The following CLSTN2 variants were observed in gnomAD, a reference collection of about 807,000 sequenced individuals.
CLSTN2 encodes the protein calsyntenin-2.
A neutral mutation model predicts 101.2 loss-of-function variants in CLSTN2; 48 were observed. That is an observed-to-expected ratio of 0.47 (90% CI 0.38 to 0.60). The LOEUF is 0.60. CLSTN2 is among the 20% of genes least tolerant of loss of function. The pLI, the probability that CLSTN2 is intolerant of heterozygous loss-of-function variation, is 0.00. For missense variants in CLSTN2, 1,160 were observed against 1,238.2 expected, an observed-to-expected ratio of 0.94 and a Z score of 0.95; for synonymous variants, 481 against 463.6, an observed-to-expected ratio of 1.04 and a Z score of -0.48.
chr3:140,171,701 TAA>T (rs1287040167), intron 1 of CLSTN2, among the ~76,000 whole-genome samples: 29 of 90,856 alleles, frequency 3.2e-4, no homozygotes, highest in Non-Finnish European at 5.2e-4. Context: ...TATTAATATA[TAA>T]TATGTATTAT....
intron 2 of CLSTN2, among the ~76,000 whole-genome samples, chr3:140,289,177 T>A (rs115855932): frequency 0.021 from 3,258 of 152,238 alleles, 54 homozygotes; most frequent in Non-Finnish European, 0.033. Flanking sequence ...TCATCAGAAT[T>A]CTATGAGATA....
intron 1 of CLSTN2, among the ~76,000 whole-genome samples, chr3:140,027,625 C>T (rs1197027281): frequency 6.6e-6 from 1 of 152,150 alleles, no homozygotes; most frequent in South Asian, 2.1e-4. Context: ...CATCCTCAAT[C>T]AGTGTGAAGG....
Position 140,567,460 on chromosome 3 carries a change from T to G in CLSTN2, c.*1207T>G, listed in dbSNP as rs1985322485. Reference sequence around the variant, plus strand: ...CTCATAAAAGGAGGAACACTTTAGATAGAGGGCAAATATATCTGAAAACCT... The same window carrying G: ...CTCATAAAAGGAGGAACACTTTAGAGAGAGGGCAAATATATCTGAAAACCT... On this transcript the variant is annotated 3_prime_UTR_variant, in exon 17 of 17. Transcript: ENST00000458420. The G allele has an allele frequency of 1.3e-5, 2 of 152,390 alleles. No homozygotes were observed. The highest frequency in any genetic ancestry group is 2.9e-5 in the Non-Finnish European group (2 of 68,044). 9.4% of individuals were successfully genotyped at this position (152,390 alleles called of 1,614,324 possible).
intron 2 of CLSTN2, among the ~76,000 whole-genome samples, chr3:140,259,623 GCCTTCCCT>G (rs2086633201): frequency 6.6e-6 from 1 of 152,068 alleles, no homozygotes; most frequent in African/African-American, 2.4e-5. Context: ...CTCTTTGTAA[GCCTTCCCT>G]CCCACCTTTT....
chr3:140,136,964 C>T lies in CLSTN2; in HGVS notation c.110-38987C>T, dbSNP rs571480812. 6.6e-5 allele frequency among the ~76,000 whole-genome samples: 10 copies of T among 152,256 alleles called. No homozygotes were observed. In the South Asian group the frequency reaches 2.1e-3, roughly 32 times the overall value. On this transcript the variant is annotated intron_variant, in intron 1 of 16. Coordinates refer to ENST00000458420, the MANE Select transcript of CLSTN2 (RefSeq NM_022131.3). The stretch of plus-strand genomic sequence containing the variant: ...AATGAAATGGCTATAACATGTGGGA[C>T]TATTTGATACTGTATGGTTATTTTA...
chr3:140,296,221 ATATT>A (rs1218284227), intron 2 of CLSTN2, among the ~76,000 whole-genome samples: 1 of 152,176 alleles, frequency 6.6e-6, no homozygotes, highest in Admixed American at 6.5e-5. Context: ...ATGTCCTCAC[ATATT>A]TATTCTTGAA....
At chr3:140,308,772 T>C (rs1279536406) in intron 2 of CLSTN2, among the ~76,000 whole-genome samples, 1 of 152,226 alleles carries the variant, frequency 6.6e-6, no homozygotes, top group Non-Finnish European at 1.5e-5. Context: ...TCACTCCAGT[T>C]TTATGCTAAG....
At chr3:140,515,032 A>G (rs1284187047) in intron 8 of CLSTN2, among the ~76,000 whole-genome samples, 1 of 150,614 alleles carries the variant, frequency 6.6e-6, no homozygotes, top group East Asian at 1.9e-4. Context: ...TATTATTTTT[A>G]TGACCATTTC....
chr3:140,052,013 C>T (rs764613324), intron 1 of CLSTN2, among the ~76,000 whole-genome samples: 1 of 152,126 alleles, frequency 6.6e-6, no homozygotes, highest in Non-Finnish European at 1.5e-5. Flanking sequence ...TTAGTGAAAG[C>T]GAAGACTCAG....
intron 1 of CLSTN2, among the ~76,000 whole-genome samples, chr3:140,173,180 T>TA (rs2010266188): frequency 6.6e-6 from 1 of 152,098 alleles, no homozygotes; most frequent in Admixed American, 6.5e-5. Context: ...AGACATTGGG[T>TA]AAATACAACC....
chr3:140,072,554 T>C (rs2008414684), intron 1 of CLSTN2, among the ~76,000 whole-genome samples: 1 of 152,234 alleles, frequency 6.6e-6, no homozygotes, highest in Non-Finnish European at 1.5e-5. Context: ...ATTCAATTTA[T>C]ATGTAACATC....
Position 140,564,109 on chromosome 3 carries a change from C to G in CLSTN2, c.2631C>G (p.Asp877Glu). Reference sequence around the variant, plus strand: ...CCAAGGAATCTGAGATGGACTGGGACGATTCTGCGCTGACTATCACAGTCA... The same window carrying G: ...CCAAGGAATCTGAGATGGACTGGGAGGATTCTGCGCTGACTATCACAGTCA... ...EAAKESEMDW[D>E]DSALTITVNP... The change falls in exon 16 of 17, where the codon GAC becomes GAG. Residue 877 changes from aspartate to glutamate, a missense_variant. Asp to Glu is a conservative substitution (Grantham distance 45). Transcript: ENST00000458420. 3 of 1,614,064 alleles carry G rather than the reference C, an allele frequency of 1.9e-6. 1 individual carries two copies. Among genetic ancestry groups the G allele is most frequent in the South Asian group, 2.2e-5 (2 of 91,066 alleles).
chr3:140,099,149 G>T (rs898968951), intron 1 of CLSTN2, among the ~76,000 whole-genome samples: 2 of 152,186 alleles, frequency 1.3e-5, no homozygotes, highest in South Asian at 2.1e-4. Flanking sequence ...AAGAGTAGTT[G>T]TCAGCTTTTA....
At chr3:140,108,301 G>A (rs1444795103) in intron 1 of CLSTN2, among the ~76,000 whole-genome samples, 1 of 152,096 alleles carries the variant, frequency 6.6e-6, no homozygotes, top group Non-Finnish European at 1.5e-5. Flanking sequence ...TTAAGCCTCA[G>A]TACTTAATAC....
intron 2 of CLSTN2, among the ~76,000 whole-genome samples, chr3:140,214,133 C>T (rs2010892254): frequency 6.6e-6 from 1 of 151,948 alleles, no homozygotes; most frequent in Non-Finnish European, 1.5e-5. Flanking sequence ...CGAGCCTCAA[C>T]TTCCTTATCT....
At chr3:140,283,606 A>G (rs939565852) in intron 2 of CLSTN2, among the ~76,000 whole-genome samples, 14 of 152,178 alleles carry the variant, frequency 9.2e-5, no homozygotes, top group African/African-American at 3.1e-4. Flanking sequence ...TCTTGCCTCT[A>G]GGACATATTC....
At chr3:140,267,569 C>T (rs368373805) in intron 2 of CLSTN2, among the ~76,000 whole-genome samples, 2 of 152,300 alleles carry the variant, frequency 1.3e-5, no homozygotes, top group Admixed American at 6.5e-5. Flanking sequence ...AATAGGTGAA[C>T]ACATCTTTAG....
At chr3:140,299,628 G>T (rs567360648) in intron 2 of CLSTN2, among the ~76,000 whole-genome samples, 1 of 151,972 alleles carries the variant, frequency 6.6e-6, no homozygotes, top group Non-Finnish European at 1.5e-5. Context: ...TTTTTGTGTC[G>T]GTCACCTATC....
Position 139,935,565 on chromosome 3 carries a change from A to C in CLSTN2, c.109+82A>C. 4.4e-5 allele frequency: 31 copies of C among 712,004 alleles called. No homozygotes were observed. Among genetic ancestry groups the C allele is most frequent in the South Asian group, 1.5e-4 (2 of 13,368 alleles). 44.1% of individuals were successfully genotyped at this position (712,004 alleles called of 1,614,324 possible). Reference sequence around the variant, plus strand: ...GTGAAAGCGGCAAGGACCTAGGCTCAAGCTGGATTTGCCCACCCTCCCTTG... The same window carrying C: ...GTGAAAGCGGCAAGGACCTAGGCTCCAGCTGGATTTGCCCACCCTCCCTTG... On this transcript the variant is annotated intron_variant, in intron 1 of 16. Coordinates refer to ENST00000458420, the MANE Select transcript of CLSTN2 (RefSeq NM_022131.3). This position sits in a 1 kb window ranked among gnomAD's most constrained non-coding sequence, Gnocchi z 5.5.
Sources: allele counts gnomAD v4.1 joint callset (sites outside exome capture counted in the v4.1 genomes callset), GRCh38; gene constraint gnomAD v4.1.1; non-coding constraint Gnocchi (gnomAD v3.1); transcripts MANE v1.5; gene names NCBI Gene and HGNC (gene_info 2026-07-23, HGNC 2026-07-21).